ADGRG2: variants seen among roughly 807,000 people sequenced by gnomAD.
The protein encoded by ADGRG2 is G protein-coupled receptor 64.
In ADGRG2, 26 loss-of-function variants were observed where a neutral mutation model predicts 74.1. The observed-to-expected ratio is 0.35, with a 90% confidence interval of 0.26 to 0.49. The LOEUF (loss-of-function observed/expected upper bound fraction) is 0.49, where lower values mean the gene tolerates loss of function less well. ADGRG2 is among the 20% of genes least tolerant of loss of function. The probability of loss-of-function intolerance (pLI) is 0.99; values close to 1 mark genes in which losing one functional copy is unlikely to be tolerated. For missense variants in ADGRG2, 619 were observed against 763.1 expected (o/e 0.81, Z 2.22); for synonymous variants, 296 against 295.2 (o/e 1.00, Z -0.03).
chrX:19,008,123 C>T lies in ADGRG2; in HGVS notation c.1423G>A (p.Val475Ile), dbSNP rs2060274774. 1.7e-6 allele frequency: 2 copies of T among 1,166,143 alleles called. No homozygotes were observed. The highest frequency in any genetic ancestry group is 2.4e-5 in the Admixed American group (1 of 41,922). Residue 475 changes from valine (V) to isoleucine (I), a missense_variant and splice_region_variant, in exon 19 of 29, where the codon GTT becomes ATT. Val to Ile is a conservative substitution (Grantham distance 29, BLOSUM62 3). Coordinates refer to ENST00000379869, the MANE Select transcript of ADGRG2 (RefSeq NM_001079858.3). ...TCAGGAGCTTGGGTTTCCAGAGAAACCTGAAAATCAAGTGGAAGATAAGAA... is the reference window on the plus strand; with the variant it reads ...TCAGGAGCTTGGGTTTCCAGAGAAATCTGAAAATCAAGTGGAAGATAAGAA... ...FVAQDPANLQ[V>I]SLETQAPENS...
intron 2 of ADGRG2, among the ~76,000 whole-genome samples, chrX:19,081,797 G>T (rs745829355): frequency 2.1e-4 from 23 of 111,276 alleles, no homozygotes; most frequent in Admixed American, 1.1e-3. Context: ...GAAATAGGCT[G>T]GGTACAGTGG....
At chrX:19,000,031 T>C in intron 24 of ADGRG2, 71 bp from the exon 25 acceptor site, 1 of 573,098 alleles carries the variant, frequency 1.7e-6, no homozygotes, top group Non-Finnish European at 2.9e-6. Flanking sequence ...TCTTGCTCTG[T>C]CACCCAGGCT....
Position 18,999,220 on chromosome X carries a change from A to C in ADGRG2, c.2390T>G (p.Ile797Arg). Reference sequence around the variant, plus strand: ...GAACATGCTGACGTTCAGCAAAAATATCACACAGAAATATCCCACCACCGT... The same window carrying C: ...GAACATGCTGACGTTCAGCAAAAATCTCACACAGAAATATCCCACCACCGT... The part of the protein sequence containing the change: ...YITVVGYFCV[I>R]FLLNVSMFIV... The change falls in exon 26 of 29, where the codon ATA (isoleucine) becomes AGA (arginine). Residue 797 changes from isoleucine to arginine, a missense_variant. Transcript: ENST00000379869. The C allele has an allele frequency of 8.3e-7, 1 of 1,208,012 alleles. No homozygotes were observed. Among genetic ancestry groups the C allele is most frequent in the Non-Finnish European group, 1.1e-6 (1 of 892,282 alleles).
At chrX:19,070,585 A>C (rs2061638124) in intron 2 of ADGRG2, among the ~76,000 whole-genome samples, 1 of 112,065 alleles carries the variant, frequency 8.9e-6, no homozygotes, top group Non-Finnish European at 1.9e-5. Flanking sequence ...AGGCACAAGC[A>C]AGGGGGTGGC....
rs10677696 is a variant in ADGRG2 at position 19,116,506 on chromosome X, C to CAAAAAAAAAAA, written c.-47+5925_-47+5935dup. On this transcript the variant is annotated intron_variant, in intron 1 of 28. Coordinates refer to ENST00000379869, the MANE Select transcript of ADGRG2 (RefSeq NM_001079858.3). ...AGCCTCAGCAACAGAGATTCCGTCTCAAAAAAAAAAAAAAAAAAAAAAAAA... is the reference window on the plus strand; with the variant it reads ...AGCCTCAGCAACAGAGATTCCGTCTCAAAAAAAAAAAAAAAAAAAAAAAAAAAAAAAAAAAA... Among the ~76,000 whole-genome samples, 14 of 24,017 alleles carry CAAAAAAAAAAA rather than the reference C, an allele frequency of 5.8e-4. 1 individual carries two copies. Among genetic ancestry groups the CAAAAAAAAAAA allele is most frequent in the African/African-American group, 1.7e-3 (13 of 7,557 alleles). 20.9% of individuals were successfully genotyped at this position (24,017 alleles called of 115,157 possible).
In ADGRG2 at chrX:19,040,263, A is replaced by G. The variant is rs112331506; in HGVS notation, c.119-39T>C. 1,212 of 942,866 alleles carry G rather than the reference A, an allele frequency of 1.3e-3. 13 individuals are homozygous for G. The African/African-American group carries it at 0.02, about 16-fold the overall frequency. The allele number at this position is 942,866 out of a possible 1,213,427, so 77.7% of individuals were successfully genotyped here. On this transcript the variant is annotated intron_variant, in intron 3 of 28. Coordinates refer to ENST00000379869, the MANE Select transcript of ADGRG2 (RefSeq NM_001079858.3). The stretch of plus-strand genomic sequence containing the variant: ...GAGGTGATTCAGAATTAGTTTCATG[A>G]GGACTAAAATCAATAAAATTGTACT...
At chrX:19,071,896 T>C (rs888979663) in intron 2 of ADGRG2, among the ~76,000 whole-genome samples, 7 of 111,318 alleles carry the variant, frequency 6.3e-5, no homozygotes, top group East Asian at 5.6e-4. Flanking sequence ...CCTCTACAAA[T>C]AGGCTTGACT....
At chrX:19,045,149 C>G (rs1184416156) in intron 3 of ADGRG2, among the ~76,000 whole-genome samples, 2 of 110,432 alleles carry the variant, frequency 1.8e-5, no homozygotes, top group Non-Finnish European at 3.8e-5. Context: ...GAAACTTGTT[C>G]AAGGCCTCAC....
At position 19,006,346 on chromosome X, in the gene ADGRG2, G is replaced by GA. The variant is rs1012205716; in HGVS notation, c.1690-82dup. On this transcript the variant is annotated intron_variant, in intron 20 of 28. Transcript: ENST00000379869. Reference sequence around the variant, plus strand: ...AGCAAAACTGAAAGGTATTTGAAAAGAAAAAAAACTGTGGTTTTTTTTAAA... The same window carrying GA: ...AGCAAAACTGAAAGGTATTTGAAAAGAAAAAAAAACTGTGGTTTTTTTTAAA... 7.7e-5 allele frequency: 52 copies of GA among 673,312 alleles called. No homozygotes were observed. In the Admixed American group the frequency reaches 1.0e-3, roughly 13 times the overall value. The allele number at this position is 673,312 out of a possible 1,213,427, so 55.5% of individuals were successfully genotyped here. A position where few individuals can be genotyped will look rare whatever the true frequency, so the allele number is the denominator to read the frequency against.
At chrX:19,002,154 G>A (rs1362156874) in intron 24 of ADGRG2, among the ~76,000 whole-genome samples, 1 of 110,300 alleles carries the variant, frequency 9.1e-6, no homozygotes, top group African/African-American at 3.3e-5. Context: ...GCCTTGTAAG[G>A]TCATGAACTC....
chrX:19,088,793 G>C (rs145558286), intron 1 of ADGRG2, among the ~76,000 whole-genome samples: 105 of 112,007 alleles, frequency 9.4e-4, no homozygotes, highest in African/African-American at 3.3e-3. Flanking sequence ...TCAATGATGA[G>C]AGAAAATACG....
At chrX:19,099,993 C>T (rs971810441) in intron 1 of ADGRG2, among the ~76,000 whole-genome samples, 3 of 111,576 alleles carry the variant, frequency 2.7e-5, no homozygotes, top group African/African-American at 3.3e-5. Context: ...CATGATCATG[C>T]CACTGCATCC....
At chrX:19,009,473 C>T (rs1045738483) in intron 18 of ADGRG2, among the ~76,000 whole-genome samples, 153 bp downstream of exon 18, 2 of 111,745 alleles carry the variant, frequency 1.8e-5, no homozygotes, top group African/African-American at 6.5e-5. Context: ...CCATGGCACC[C>T]GGCTTGATTC....
chrX:19,080,383 T>A (rs1280963896), intron 2 of ADGRG2, among the ~76,000 whole-genome samples: 1 of 111,158 alleles, frequency 9.0e-6, no homozygotes, highest in Non-Finnish European at 1.9e-5. Flanking sequence ...GCTTGCAGTA[T>A]GTTTAACACA....
intron 2 of ADGRG2, among the ~76,000 whole-genome samples, chrX:19,079,618 G>A (rs1240241099): frequency 8.9e-6 from 1 of 112,249 alleles, no homozygotes; most frequent in Non-Finnish European, 1.9e-5. Context: ...AGCCTTGTAT[G>A]TTGTTTGTCA....
At chrX:19,006,798 A>C in intron 20 of ADGRG2, among the ~76,000 whole-genome samples, 1 of 86,517 alleles carries the variant, frequency 1.2e-5, no homozygotes, top group African/African-American at 4.9e-5. Context: ...TCACTTTGTC[A>C]CCCAAGCTGG....
intron 3 of ADGRG2, among the ~76,000 whole-genome samples, chrX:19,046,633 G>C (rs928891011): frequency 1.8e-5 from 2 of 112,478 alleles, no homozygotes; most frequent in Non-Finnish European, 3.8e-5. Flanking sequence ...ACAGGGAAAT[G>C]TTGCAAAGAT....
chrX:18,996,670 C>T (rs2060024696), intron 26 of ADGRG2, among the ~76,000 whole-genome samples: 1 of 109,637 alleles, frequency 9.1e-6, no homozygotes, highest in African/African-American at 3.3e-5. Context: ...ATGCACTCAC[C>T]TACCTGCCTG....
intron 1 of ADGRG2, among the ~76,000 whole-genome samples, chrX:19,120,456 T>A (rs1433599258): frequency 8.9e-6 from 1 of 112,310 alleles, no homozygotes; most frequent in Non-Finnish European, 1.9e-5. Context: ...AATAAAGTAA[T>A]AAATTTTGTC....
Sources: allele counts gnomAD v4.1 joint callset (sites outside exome capture counted in the v4.1 genomes callset), GRCh38; gene constraint gnomAD v4.1.1; transcripts MANE v1.5; gene names NCBI Gene and HGNC (gene_info 2026-07-23, HGNC 2026-07-21).